VTI1A: variants seen among roughly 807,000 people sequenced by gnomAD.
VTI1A encodes the protein vesicle transport through interaction with t-SNAREs 1A, also known as vesicle transport through interaction with t-SNAREs homolog 1A.
VTI1A carries 22 observed loss-of-function variants against 34.9 expected under a neutral mutation model. The observed-to-expected ratio is 0.63, with a 90% CI of 0.45 to 0.90. The LOEUF (loss-of-function observed/expected upper bound fraction) is 0.90, where lower values mean the gene tolerates loss of function less well. Among genes scored for constraint, VTI1A ranks in the 40% least tolerant of loss-of-function variants. The pLI, the probability that VTI1A is intolerant of heterozygous loss-of-function variation, is 0.00. For synonymous variants in VTI1A, 87 were observed against 97.3 expected, an observed-to-expected ratio of 0.89 and a Z score of 0.62; for missense variants, 268 against 275.6, an observed-to-expected ratio of 0.97 and a Z score of 0.20.
chr10:112,503,866 A>C (rs1460048286), intron 3 of VTI1A, among the ~76,000 whole-genome samples: 1 of 152,150 alleles, frequency 6.6e-6, no homozygotes, highest in Non-Finnish European at 1.5e-5. Context: ...GATAAGATTC[A>C]CTGGATTCCT....
chr10:112,621,922 G>A lies in VTI1A; in HGVS notation c.428-46296G>A, dbSNP rs1564852641. ...TTAGTAGTTGCAGCATCTGTCCACCGTCCTTGGCTCCGTAGTATCACCGGG... is the reference window on the plus strand; with the variant it reads ...TTAGTAGTTGCAGCATCTGTCCACCATCCTTGGCTCCGTAGTATCACCGGG... On this transcript the variant is annotated intron_variant, in intron 5 of 7. Transcript: ENST00000393077. Among the ~76,000 whole-genome samples the A allele has an allele frequency of 5.3e-5, 8 of 152,232 alleles. 1 individual carries two copies. The South Asian group carries it at 1.7e-3, about 32-fold the overall frequency.
intron 7 of VTI1A, among the ~76,000 whole-genome samples, chr10:112,730,208 C>G (rs886724906): frequency 1.3e-5 from 2 of 152,202 alleles, no homozygotes; most frequent in African/African-American, 4.8e-5. Flanking sequence ...GGAGAGGTTA[C>G]AGCTACCAGC....
chr10:112,665,304 G>GA (rs10719081), intron 5 of VTI1A, among the ~76,000 whole-genome samples: 182 of 140,240 alleles, frequency 1.3e-3, no homozygotes, highest in Non-Finnish European at 2.1e-3. Context: ...CACAGTGGGG[G>GA]AAAAAAAAAA....
At chr10:112,777,193 C>A (rs1376171346) in intron 7 of VTI1A, among the ~76,000 whole-genome samples, 1 of 152,078 alleles carries the variant, frequency 6.6e-6, no homozygotes, top group East Asian at 1.9e-4. Flanking sequence ...TTAAAGAATC[C>A]TCATGGATTC....
In VTI1A at chr10:112,646,649, C is replaced by G. The variant is rs1009262461; in HGVS notation, c.428-21569C>G. Among the ~76,000 whole-genome samples the G allele has an allele frequency of 8.5e-5, 13 of 152,088 alleles. No homozygotes were observed. In the East Asian group the frequency reaches 1.4e-3, roughly 16 times the overall value. ...TCAGCCTCCCGAGTAGCTGGGATTA[C>G]AGGAGTGTGCCACCACGTCCAGCTA... On this transcript the variant is annotated intron_variant, in intron 5 of 7. Coordinates refer to ENST00000393077, the MANE Select transcript of VTI1A (RefSeq NM_145206.4).
At chr10:112,553,199 C>A (rs115104035) in intron 5 of VTI1A, among the ~76,000 whole-genome samples, 23 of 152,308 alleles carry the variant, frequency 1.5e-4, no homozygotes, top group African/African-American at 5.3e-4. Flanking sequence ...CAAGTCAGGT[C>A]ACCTCTCTTT....
At chr10:112,808,632 A>C (rs1853172859) in intron 7 of VTI1A, among the ~76,000 whole-genome samples, 1 of 151,840 alleles carries the variant, frequency 6.6e-6, no homozygotes, top group African/African-American at 2.4e-5. Flanking sequence ...CTCAAAAAAA[A>C]AAAAAAAAAA....
At chr10:112,532,426 T>C (rs572683271) in intron 4 of VTI1A, among the ~76,000 whole-genome samples, 1 of 152,288 alleles carries the variant, frequency 6.6e-6, no homozygotes, top group Admixed American at 6.5e-5. Flanking sequence ...TAGAATGTGG[T>C]TTAGTCTGTT....
rs34425418 is a variant in VTI1A, at chr10:112,492,788, C to CA, written c.264+28141dup. On this transcript the variant is annotated intron_variant, in intron 3 of 7. Transcript: ENST00000393077. Reference sequence around the variant, plus strand: ...GCAACAGTCTCAAAAAAAAAAAAAGCAAAAAAAAAATTGATTGAGTTATAA... The same window carrying CA: ...GCAACAGTCTCAAAAAAAAAAAAAGCAAAAAAAAAAATTGATTGAGTTATAA... 4.6e-3 allele frequency among the ~76,000 whole-genome samples: 674 copies of CA among 144,974 alleles called. 5 individuals are homozygous for CA. Among genetic ancestry groups the CA allele is most frequent in the African/African-American group, 0.015 (599 of 39,760 alleles).
At chr10:112,548,807 T>A in intron 5 of VTI1A, 1 of 1,497,906 alleles carries the variant, frequency 6.7e-7, no homozygotes, top group South Asian at 1.2e-5. Context: ...ATACCAACAA[T>A]GGCAGCATCA....
rs187143021 is a variant in VTI1A, at chr10:112,513,764, C to T, written c.265-13323C>T. On this transcript the variant is annotated intron_variant, in intron 3 of 7. Transcript: ENST00000393077. ...ATTATGAAAAGGTGTTGAATTTTGT[C>T]AGATGTTTTCTGTGCATTCATTGAG... Among the ~76,000 whole-genome samples, 44 of 151,930 alleles carry T rather than the reference C, an allele frequency of 2.9e-4. 2 individuals are homozygous for T. The highest frequency in any genetic ancestry group is 2.8e-3 in the Admixed American group (43 of 15,258).
At chr10:112,785,119 G>A (rs992636670) in intron 7 of VTI1A, among the ~76,000 whole-genome samples, 1 of 152,200 alleles carries the variant, frequency 6.6e-6, no homozygotes, top group Non-Finnish European at 1.5e-5. Flanking sequence ...TATAAGCACA[G>A]CCAGTAATGT....
chr10:112,508,990 C>G (rs1849524195), intron 3 of VTI1A, among the ~76,000 whole-genome samples: 1 of 152,150 alleles, frequency 6.6e-6, no homozygotes, highest in African/African-American at 2.4e-5. Flanking sequence ...GAGTAGCCAT[C>G]TGGTCTTTTT....
chr10:112,497,823 C>T (rs548038583), intron 3 of VTI1A, among the ~76,000 whole-genome samples: 1 of 152,040 alleles, frequency 6.6e-6, no homozygotes, highest in African/African-American at 2.4e-5. Context: ...GAAAACAGAC[C>T]TGGATGAATA....
At chr10:112,845,050 C>A in the VTI1A span, among the ~76,000 whole-genome samples, 1 of 152,146 alleles carries the variant, frequency 6.6e-6, no homozygotes, top group Non-Finnish European at 1.5e-5. Context: ...CCGTGTCAGC[C>A]GTAAAATATG....
chr10:112,588,213 A>C (rs1278564898), intron 5 of VTI1A, among the ~76,000 whole-genome samples: 5 of 152,168 alleles, frequency 3.3e-5, no homozygotes, highest in Non-Finnish European at 7.4e-5. Context: ...ATAAATGAAA[A>C]TCTAAGTGGC....
intron 7 of VTI1A, among the ~76,000 whole-genome samples, chr10:112,725,196 A>T (rs1394735015): frequency 6.6e-6 from 1 of 152,176 alleles, no homozygotes; most frequent in Non-Finnish European, 1.5e-5. Context: ...ACGTTCTTTA[A>T]TCTATTACAG....
the VTI1A span, among the ~76,000 whole-genome samples, chr10:112,840,439 G>T: frequency 1.3e-5 from 2 of 152,198 alleles, no homozygotes. Flanking sequence ...CAAAACACAA[G>T]TGATGGTGGC....
At chr10:112,698,259 G>A (rs1228373751) in intron 7 of VTI1A, among the ~76,000 whole-genome samples, 1 of 152,136 alleles carries the variant, frequency 6.6e-6, no homozygotes, top group Non-Finnish European at 1.5e-5. Context: ...GGGCTATGCG[G>A]CTTCTCAGAC....
Sources: allele counts gnomAD v4.1 joint callset (sites outside exome capture counted in the v4.1 genomes callset), GRCh38; gene constraint gnomAD v4.1.1; transcripts MANE v1.5; gene names NCBI Gene and HGNC (gene_info 2026-07-23, HGNC 2026-07-21).